Variants in NMNAT3 observed in about 807,000 individuals in gnomAD.
The protein encoded by NMNAT3 is nicotinamide nucleotide adenylyltransferase 3.
Under a neutral mutation model 24.8 loss-of-function variants are expected in NMNAT3, and 21 were observed. That is an observed-to-expected ratio of 0.85 (90% CI 0.60 to 1.22). The LOEUF is 1.22. Among genes scored for constraint, NMNAT3 ranks in the 50% most tolerant of loss-of-function variants. NMNAT3 has a pLI of 0.00. For missense variants in NMNAT3, 387 were observed against 436.6 expected (o/e 0.89, Z 1.01); for synonymous variants, 136 against 155.2 (o/e 0.88, Z 0.92).
At chr3:139,566,344 T>C (rs9682081) in intron 6 of NMNAT3, 1 of 151,018 alleles carries the variant, frequency 6.6e-6, no homozygotes, top group African/African-American at 2.4e-5. Context: ...TTTCTTTTGC[T>C]GTGCAGAAGC....
chr3:139,586,702 G>A lies in NMNAT3; in HGVS notation c.110-3494C>T, dbSNP rs147844310. ...GCCAGGCTATATTGAGAGAGAAAAGGTTTATTTAAGTTCCAAAAGTTACTC... is the reference window on the plus strand; with the variant it reads ...GCCAGGCTATATTGAGAGAGAAAAGATTTATTTAAGTTCCAAAAGTTACTC... On this transcript the variant is annotated intron_variant, in intron 3 of 6. Coordinates refer to ENST00000643695, the MANE Select transcript of NMNAT3 (RefSeq NM_001320510.2). 1.1e-3 allele frequency among the ~76,000 whole-genome samples: 161 copies of A among 152,280 alleles called. 1 individual carries two copies. The East Asian group carries it at 0.025, about 23-fold the overall frequency.
intron 5 of NMNAT3, among the ~76,000 whole-genome samples, 160 bp downstream of exon 5, chr3:139,578,712 G>A (rs1292147810): frequency 6.7e-6 from 1 of 148,438 alleles, no homozygotes; most frequent in Non-Finnish European, 1.5e-5. Context: ...ATGTGAATCT[G>A]TTGATCTCTC....
intron 1 of NMNAT3, among the ~76,000 whole-genome samples, chr3:139,647,411 A>G (rs561268291): frequency 6.6e-6 from 1 of 152,370 alleles, no homozygotes; most frequent in East Asian, 1.9e-4. Context: ...AAGGAGGTCA[A>G]CAACTCCATC....
At chr3:139,648,888 C>T (rs980976468) in intron 1 of NMNAT3, among the ~76,000 whole-genome samples, 8 of 151,790 alleles carry the variant, frequency 5.3e-5, no homozygotes, top group Non-Finnish European at 1.2e-4. Context: ...ATAGTATTTT[C>T]TCACATGGTT....
intron 1 of NMNAT3, among the ~76,000 whole-genome samples, chr3:139,656,958 C>A (rs2057265680): frequency 6.6e-6 from 1 of 152,194 alleles, no homozygotes; most frequent in Non-Finnish European, 1.5e-5. Flanking sequence ...TTTAGGCCTA[C>A]TAACTCATAT....
At chr3:139,610,821 C>T (rs1497271) in intron 3 of NMNAT3, among the ~76,000 whole-genome samples, 141,499 of 152,270 alleles carry the variant, frequency 0.93, 66,668 homozygotes, top group East Asian at 1. Flanking sequence ...ATTCACTGTG[C>T]AATAGAGAAT....
chr3:139,663,673 G>A (rs2057489519), intron 1 of NMNAT3, among the ~76,000 whole-genome samples: 1 of 152,140 alleles, frequency 6.6e-6, no homozygotes, highest in African/African-American at 2.4e-5. Context: ...CCCTCCAGCA[G>A]CTAGTTCATG....
chr3:139,643,105 G>A (rs764645685), intron 1 of NMNAT3, among the ~76,000 whole-genome samples: 1 of 152,148 alleles, frequency 6.6e-6, no homozygotes, highest in Non-Finnish European at 1.5e-5. Context: ...TGGCCAAGAA[G>A]CACATGAAAA....
intron 6 of NMNAT3, chr3:139,569,361 A>G: frequency 6.6e-6 from 1 of 152,170 alleles, no homozygotes; most frequent in Non-Finnish European, 1.5e-5. Flanking sequence ...TAATATTGTT[A>G]TGTGTGAATT....
chr3:139,585,302 A>T (rs1046014191), intron 3 of NMNAT3, among the ~76,000 whole-genome samples: 3 of 152,148 alleles, frequency 2.0e-5, no homozygotes, highest in African/African-American at 7.2e-5. Context: ...TGAGCTTTCA[A>T]TGAACTTTTA....
chr3:139,634,878 C>T (rs1298104664), intron 2 of NMNAT3: 2 of 152,196 alleles, frequency 1.3e-5, no homozygotes, highest in Admixed American at 1.3e-4. Context: ...AGGCTAGGCA[C>T]TGTGCTAAAA....
At chr3:139,642,522 G>T (rs77421826) in intron 1 of NMNAT3, among the ~76,000 whole-genome samples, 4 of 152,184 alleles carry the variant, frequency 2.6e-5, no homozygotes, top group African/African-American at 9.7e-5. Context: ...CCACTGTGGC[G>T]CTGCCCTGGG....
intron 1 of NMNAT3, among the ~76,000 whole-genome samples, chr3:139,642,686 G>T (rs2056746113): frequency 6.6e-6 from 1 of 152,138 alleles, no homozygotes; most frequent in Non-Finnish European, 1.5e-5. Context: ...ATTGATGAGG[G>T]CAGCCCTGCA....
intron 3 of NMNAT3, among the ~76,000 whole-genome samples, chr3:139,623,579 A>C (rs1433626157): frequency 6.6e-6 from 1 of 152,054 alleles, no homozygotes; most frequent in Non-Finnish European, 1.5e-5. Context: ...GCTAGACTTA[A>C]TTGGTCGATT....
chr3:139,631,210 G>A (rs1559931411), intron 2 of NMNAT3, among the ~76,000 whole-genome samples: 2 of 152,102 alleles, frequency 1.3e-5, no homozygotes, highest in Non-Finnish European at 2.9e-5. Flanking sequence ...AAGGACACAG[G>A]AGTGCACATT....
At chr3:139,607,295 A>G (rs1342998244) in intron 3 of NMNAT3, among the ~76,000 whole-genome samples, 1 of 152,158 alleles carries the variant, frequency 6.6e-6, no homozygotes, top group Non-Finnish European at 1.5e-5. Flanking sequence ...ACAACACCAA[A>G]GAGTTTATTT....
chr3:139,640,196 T>A (rs1316898746), intron 1 of NMNAT3, among the ~76,000 whole-genome samples: 7 of 152,120 alleles, frequency 4.6e-5, no homozygotes, highest in Admixed American at 4.6e-4. Flanking sequence ...GGGTGGTGGA[T>A]TCCAGTCAAC....
At chr3:139,675,135 T>TAC (rs148834873) in intron 1 of NMNAT3, among the ~76,000 whole-genome samples, 25,244 of 148,266 alleles carry the variant, frequency 0.17, 2,810 homozygotes, top group African/African-American at 0.32. Context: ...CTTTTAAACA[T>TAC]ACACACACAC....
At chr3:139,563,807 C>T (rs1238892808) in intron 6 of NMNAT3, among the ~76,000 whole-genome samples, 2 of 152,186 alleles carry the variant, frequency 1.3e-5, no homozygotes, top group African/African-American at 4.8e-5. Flanking sequence ...GTGACTCTAT[C>T]CAAGTCCTAA....
Sources: allele counts gnomAD v4.1 joint callset (sites outside exome capture counted in the v4.1 genomes callset), GRCh38; gene constraint gnomAD v4.1.1; transcripts MANE v1.5; gene names NCBI Gene and HGNC (gene_info 2026-07-23, HGNC 2026-07-21).